Variants in KCNMB2 observed in about 807,000 individuals in gnomAD.
KCNMB2 encodes potassium calcium-activated channel subfamily M regulatory beta subunit 2.
Under a neutral mutation model 24.5 loss-of-function variants are expected in KCNMB2, and 9 were observed. The observed-to-expected ratio is 0.37, with a 90% confidence interval of 0.22 to 0.64. The LOEUF is 0.64. Ranked by LOEUF, KCNMB2 falls within the 30% of genes least tolerant of loss-of-function variation. KCNMB2 has a pLI of 0.63. For synonymous variants in KCNMB2, 109 were observed against 104.4 expected (o/e 1.04, Z -0.27); for missense variants, 226 against 284.3 (o/e 0.79, Z 1.47).
intron 1 of KCNMB2, among the ~76,000 whole-genome samples, chr3:178,761,972 C>T (rs976031064): frequency 1.6e-4 from 25 of 152,180 alleles, no homozygotes; most frequent in African/African-American, 5.8e-4. Context: ...GAAATCAAGA[C>T]CATCCTGGCT....
intron 1 of KCNMB2, among the ~76,000 whole-genome samples, chr3:178,597,321 C>G (rs1484276145): frequency 6.6e-6 from 1 of 152,058 alleles, no homozygotes. Context: ...ATGTACAGCT[C>G]AATAACCATT....
In KCNMB2 at chr3:178,770,401, A is replaced by C. The variant is rs191630035; in HGVS notation, c.-67-36942A>C. Among the ~76,000 whole-genome samples the C allele has an allele frequency of 4.9e-4, 75 of 152,366 alleles. No homozygotes were observed. In the East Asian group the frequency reaches 0.014, roughly 29 times the overall value. On this transcript the variant is annotated intron_variant, in intron 1 of 4. Coordinates refer to ENST00000452583, the MANE Select transcript of KCNMB2 (RefSeq NM_181361.3). ...GCTTCAGGTTACCCTGATGTTGAGC[A>C]CCAAAATGCTGATCAAGAGGGATAG...
intron 1 of KCNMB2, among the ~76,000 whole-genome samples, chr3:178,632,471 A>G (rs1423757725): frequency 1.3e-5 from 2 of 152,324 alleles, no homozygotes; most frequent in East Asian, 3.9e-4. Flanking sequence ...CCTTCTTCAC[A>G]TGGCAGCAGC....
At chr3:178,760,319 G>GAT (rs543972485) in intron 1 of KCNMB2, among the ~76,000 whole-genome samples, 5 of 102,060 alleles carry the variant, frequency 4.9e-5, no homozygotes, top group Non-Finnish European at 8.0e-5. Flanking sequence ...TCTATATATA[G>GAT]ATATATATAG....
intron 1 of KCNMB2, among the ~76,000 whole-genome samples, chr3:178,690,662 A>C (rs1279084600): frequency 6.6e-6 from 1 of 152,218 alleles, no homozygotes; most frequent in African/African-American, 2.4e-5. Context: ...GATTATTTAA[A>C]TTATGTTTTA....
rs73047880 is a variant in KCNMB2, at chr3:178,700,132, T to C, written c.-67-107211T>C. ...CTTGACTCAAGCCTACAGAAGACAC[T>C]CACTTTGCCTCTTTTAATTTTCAAA... On this transcript the variant is annotated intron_variant, in intron 1 of 4. Coordinates refer to ENST00000452583, the MANE Select transcript of KCNMB2 (RefSeq NM_181361.3). Among the ~76,000 whole-genome samples the C allele has an allele frequency of 1.7e-3, 262 of 152,314 alleles. 1 individual carries two copies. The highest frequency in any genetic ancestry group is 6.0e-3 in the African/African-American group (250 of 41,568).
chr3:178,540,863 C>A (rs1349311943), intron 1 of KCNMB2, among the ~76,000 whole-genome samples: 1 of 152,198 alleles, frequency 6.6e-6, no homozygotes, highest in Non-Finnish European at 1.5e-5. Flanking sequence ...TCTCCCTTCT[C>A]CTCAGTTGTA....
intron 4 of KCNMB2, among the ~76,000 whole-genome samples, chr3:178,835,073 C>T (rs760263719): frequency 4.0e-5 from 6 of 151,492 alleles, no homozygotes; most frequent in African/African-American, 9.7e-5. Context: ...AATCCCAAAG[C>T]GCCGAGAAGA....
At chr3:178,734,333 C>T (rs976783202) in intron 1 of KCNMB2, among the ~76,000 whole-genome samples, 5 of 152,162 alleles carry the variant, frequency 3.3e-5, no homozygotes, top group Admixed American at 6.5e-5. Context: ...TGGAGCATTT[C>T]GGATGTTGGA....
At chr3:178,729,625 TAATA>T (rs1187065613) in intron 1 of KCNMB2, among the ~76,000 whole-genome samples, 3 of 152,226 alleles carry the variant, frequency 2.0e-5, no homozygotes, top group Admixed American at 2.0e-4. Flanking sequence ...GTTCTTTTAC[TAATA>T]AATAGACTAA....
intron 1 of KCNMB2, among the ~76,000 whole-genome samples, chr3:178,691,370 C>T (rs1284184695): frequency 1.3e-5 from 2 of 150,904 alleles, no homozygotes; most frequent in African/African-American, 2.4e-5. Context: ...AAGCTTAGTA[C>T]CCATTAGTTA....
At chr3:178,681,401 A>G (rs530832747) in intron 1 of KCNMB2, among the ~76,000 whole-genome samples, 1 of 152,322 alleles carries the variant, frequency 6.6e-6, no homozygotes, top group South Asian at 2.1e-4. Flanking sequence ...CTGTGGATTT[A>G]TTAATGGCCC....
chr3:178,602,989 T>C (rs898444685), intron 1 of KCNMB2, among the ~76,000 whole-genome samples: 2 of 152,248 alleles, frequency 1.3e-5, no homozygotes, highest in African/African-American at 2.4e-5. Context: ...GTGGCCATTA[T>C]AGTAAGAGAT....
chr3:178,786,703 G>T (rs143034265), intron 1 of KCNMB2, among the ~76,000 whole-genome samples: 2 of 151,756 alleles, frequency 1.3e-5, no homozygotes, highest in African/African-American at 2.4e-5. Context: ...AAACCTGCAC[G>T]TTGTGCACAT....
chr3:178,631,760 C>T (rs1477766), intron 1 of KCNMB2, among the ~76,000 whole-genome samples: 54,828 of 151,982 alleles, frequency 0.36, 10,508 homozygotes, highest in African/African-American at 0.5. Flanking sequence ...GCTTGTTTTG[C>T]CACTCCTTTG....
At chr3:178,738,376 AT>A (rs775387262) in intron 1 of KCNMB2, among the ~76,000 whole-genome samples, 7 of 152,152 alleles carry the variant, frequency 4.6e-5, no homozygotes, top group Non-Finnish European at 5.9e-5. Flanking sequence ...TGTTTTTACA[AT>A]TCAAATCTGG....
At chr3:178,576,602 CT>C (rs1717000467) in intron 1 of KCNMB2, among the ~76,000 whole-genome samples, 1 of 152,206 alleles carries the variant, frequency 6.6e-6, no homozygotes, top group Non-Finnish European at 1.5e-5. Flanking sequence ...GCTTGAAATT[CT>C]TGCTGCCAGC....
intron 1 of KCNMB2, among the ~76,000 whole-genome samples, chr3:178,636,974 T>C (rs999480728): frequency 1.3e-5 from 2 of 152,174 alleles, no homozygotes; most frequent in Admixed American, 1.3e-4. Context: ...GTTCTTGCAT[T>C]AGTTTGTTAA....
intron 1 of KCNMB2, among the ~76,000 whole-genome samples, chr3:178,795,620 T>G (rs1288834048): frequency 6.6e-6 from 1 of 152,142 alleles, no homozygotes; most frequent in African/African-American, 2.4e-5. Flanking sequence ...AGGAATGTGG[T>G]GGCCTCTTAG....
Sources: gnomAD v4.1 joint callset for allele counts (sites outside exome capture counted in the v4.1 genomes callset) on GRCh38, gnomAD v4.1.1 for gene constraint, MANE v1.5 for transcripts, NCBI Gene and HGNC (gene_info 2026-07-23, HGNC 2026-07-21) for gene names.